TENM4: variants seen among roughly 807,000 people sequenced by gnomAD.
TENM4 encodes the protein teneurin-4.
Under a neutral mutation model 243.3 loss-of-function variants are expected in TENM4, and 82 were observed. That is an observed-to-expected ratio of 0.34 (90% CI 0.28 to 0.40). The LOEUF is 0.40. Ranked by LOEUF, TENM4 falls within the 10% of genes least tolerant of loss-of-function variation. The probability of loss-of-function intolerance (pLI) is 1.00; values close to 1 mark genes in which losing one functional copy is unlikely to be tolerated. For synonymous variants in TENM4, 1,412 were observed against 1,456.3 expected (o/e 0.97, Z 0.69); for missense variants, 3,138 against 3,673.3 (o/e 0.85, Z 3.77).
intron 1 of TENM4, among the ~76,000 whole-genome samples, chr11:79,373,211 T>C (rs1027686563): frequency 6.6e-6 from 1 of 152,244 alleles, no homozygotes; most frequent in Middle Eastern, 3.4e-3. Context: ...GATAGATGCA[T>C]GGGTGGGTTG....
At chr11:79,413,535 C>A (rs534226439) in intron 1 of TENM4, among the ~76,000 whole-genome samples, 1 of 152,342 alleles carries the variant, frequency 6.6e-6, no homozygotes, top group South Asian at 2.1e-4. Context: ...CACGGCCAGC[C>A]CCTAACAGCT....
chr11:79,419,176 A>G (rs937484729), intron 1 of TENM4, among the ~76,000 whole-genome samples: 52 of 152,180 alleles, frequency 3.4e-4, no homozygotes, highest in African/African-American at 1.1e-3. Context: ...TGAAAAGCCT[A>G]CCTGGCTTTT....
chr11:78,805,199 T>A (rs1857361560), intron 15 of TENM4, 93 bp downstream of exon 15: 2 of 605,494 alleles, frequency 3.3e-6, no homozygotes, highest in Non-Finnish European at 2.4e-6. Context: ...GGGAATGCAT[T>A]GCTACGTGAT....
chr11:78,884,197 C>T (rs1256804563), intron 9 of TENM4, among the ~76,000 whole-genome samples: 1 of 152,144 alleles, frequency 6.6e-6, no homozygotes, highest in African/African-American at 2.4e-5. Flanking sequence ...TGTGTAAACT[C>T]GCCAAATGTC....
At chr11:79,420,275 G>A (rs904255606) in intron 1 of TENM4, among the ~76,000 whole-genome samples, 7 of 152,098 alleles carry the variant, frequency 4.6e-5, no homozygotes, top group Non-Finnish European at 7.4e-5. Context: ...GAACAAAAAC[G>A]CATTTCATTT....
At chr11:79,023,113 A>T (rs1468203406) in intron 6 of TENM4, among the ~76,000 whole-genome samples, 3 of 152,178 alleles carry the variant, frequency 2.0e-5, no homozygotes, top group African/African-American at 7.2e-5. Context: ...TCCTTCATTT[A>T]TTTAAAAAAT....
At chr11:79,300,250 G>A (rs530779582) in intron 1 of TENM4, among the ~76,000 whole-genome samples, 54 of 152,120 alleles carry the variant, frequency 3.5e-4, no homozygotes, top group Non-Finnish European at 6.2e-4. Flanking sequence ...AAGCTTTTTT[G>A]TATGAATACT....
chr11:78,881,505 G>A (rs1245639218), intron 9 of TENM4, among the ~76,000 whole-genome samples: 1 of 152,134 alleles, frequency 6.6e-6, no homozygotes, highest in Admixed American at 6.5e-5. Context: ...CCAGGTTCTA[G>A]TAACCCCTCC....
At chr11:79,126,215 G>A (rs955552092) in intron 4 of TENM4, among the ~76,000 whole-genome samples, 41 of 152,220 alleles carry the variant, frequency 2.7e-4, no homozygotes, top group African/African-American at 9.7e-4. Context: ...AAAGGCTTAG[G>A]GAGATTGGGA....
intron 1 of TENM4, among the ~76,000 whole-genome samples, chr11:79,360,937 C>T (rs1318220369): frequency 6.6e-6 from 1 of 152,184 alleles, no homozygotes; most frequent in Non-Finnish European, 1.5e-5. Context: ...TGTGATACAG[C>T]AGACCAAATG....
chr11:78,708,928 C>A lies in TENM4; in HGVS notation c.4055-413G>T, dbSNP rs185675530. On this transcript the variant is annotated intron_variant, in intron 26 of 33. Transcript: ENST00000278550. Reference sequence around the variant, plus strand: ...AGCTCTGTAATTATAATAATTAGTTCCCCTTTTTGGTAACCATTTTTCTTT... The same window carrying A: ...AGCTCTGTAATTATAATAATTAGTTACCCTTTTTGGTAACCATTTTTCTTT... Among the ~76,000 whole-genome samples, 321 of 146,258 alleles carry A rather than the reference C, an allele frequency of 2.2e-3. 3 individuals are homozygous for A. The highest frequency in any genetic ancestry group is 3.8e-3 in the Non-Finnish European group (258 of 67,098).
chr11:78,822,205 A>T (rs945162092), intron 12 of TENM4, among the ~76,000 whole-genome samples: 4 of 152,246 alleles, frequency 2.6e-5, no homozygotes. Context: ...TCTGTGAGTC[A>T]TGGTGTAAAG....
At chr11:79,143,873 A>T (rs1862342961) in intron 4 of TENM4, among the ~76,000 whole-genome samples, 1 of 151,896 alleles carries the variant, frequency 6.6e-6, no homozygotes, top group African/African-American at 2.4e-5. Flanking sequence ...GAAACTCTCC[A>T]GGACACTGGA....
intron 28 of TENM4, among the ~76,000 whole-genome samples, chr11:78,701,267 A>C (rs1859094495): frequency 1.3e-5 from 2 of 152,192 alleles, no homozygotes; most frequent in South Asian, 4.1e-4. Flanking sequence ...AGATGTGGAA[A>C]CTGAGGCCAA....
chr11:79,262,290 T>C (rs1055585362), intron 2 of TENM4, among the ~76,000 whole-genome samples: 3 of 152,200 alleles, frequency 2.0e-5, no homozygotes, highest in African/African-American at 7.2e-5. Flanking sequence ...TGCTGTGTAG[T>C]GCACAGTTTA....
At chr11:78,797,655 T>A (rs1256542788) in intron 15 of TENM4, among the ~76,000 whole-genome samples, 1 of 152,200 alleles carries the variant, frequency 6.6e-6, no homozygotes, top group African/African-American at 2.4e-5. Flanking sequence ...GAACTGACCA[T>A]CTCATTGTGT....
intron 10 of TENM4, 99 bp from the exon 11 acceptor site, chr11:78,856,277 C>G: frequency 6.9e-6 from 7 of 1,020,994 alleles, no homozygotes; most frequent in Non-Finnish European, 1.0e-5. Flanking sequence ...TCCTTAGCCT[C>G]ACATCCTTCT....
At chr11:79,158,130 C>T (rs1165269228) in intron 3 of TENM4, among the ~76,000 whole-genome samples, 1 of 152,216 alleles carries the variant, frequency 6.6e-6, no homozygotes, top group African/African-American at 2.4e-5. Flanking sequence ...GTGTGTCCCA[C>T]CTAATCTCTG....
intron 1 of TENM4, among the ~76,000 whole-genome samples, chr11:79,351,566 C>T (rs760446876): frequency 4.6e-5 from 7 of 151,980 alleles, no homozygotes; most frequent in Non-Finnish European, 8.8e-5. Context: ...ATTAGCCAGG[C>T]GTGATTGGCA....
Sources: allele counts gnomAD v4.1 joint callset (sites outside exome capture counted in the v4.1 genomes callset), GRCh38; gene constraint gnomAD v4.1.1; transcripts MANE v1.5; gene names NCBI Gene and HGNC (gene_info 2026-07-23, HGNC 2026-07-21).